Variants in DNAH12 observed in about 807,000 individuals in gnomAD.
DNAH12 encodes dynein axonemal heavy chain 12.
DNAH12 carries 285 observed loss-of-function variants against 371.5 expected under a neutral mutation model. That is an observed-to-expected ratio of 0.77 (90% CI 0.70 to 0.85). The LOEUF is 0.85. DNAH12 is among the 40% of genes least tolerant of loss of function. The probability of loss-of-function intolerance (pLI) is 0.00; values close to 1 mark genes in which losing one functional copy is unlikely to be tolerated. For missense variants in DNAH12, 3,611 were observed against 3,689.4 expected (o/e 0.98, Z 0.55); for synonymous variants, 1,200 against 1,213.0 (o/e 0.99, Z 0.22).
chr3:57,470,631 C>A lies in DNAH12; in HGVS notation c.1917G>T (p.Val639=). 6.6e-7 allele frequency: 1 copy of A among 1,524,978 alleles called. No homozygotes were observed. The highest frequency in any genetic ancestry group is 1.3e-5 in the South Asian group (1 of 77,664). 94.5% of individuals were successfully genotyped at this position (1,524,978 alleles called of 1,614,324 possible). The change falls in exon 16 of 74, where the codon GTG becomes GTT. Residue 639 remains valine, a synonymous_variant. Coordinates refer to ENST00000495027, the MANE Select transcript of DNAH12 (RefSeq NM_001366028.2). ...FAELERMQQY[V]TDVRQLQKRI... ...GTTTTTGTAGTTGTCTTACATCTGT[C>A]ACATACTGAAAGTAAATAAGTTTTT...
intron 29 of DNAH12, among the ~76,000 whole-genome samples, chr3:57,441,326 C>T (rs1238629088): frequency 6.6e-6 from 1 of 151,922 alleles, no homozygotes; most frequent in Non-Finnish European, 1.5e-5. Context: ...GAACCACTAA[C>T]CTTGAAGATA....
intron 2 of DNAH12, chr3:57,530,547 G>C (rs9825059): frequency 2.9e-6 from 2 of 697,140 alleles, no homozygotes; most frequent in South Asian, 1.5e-5. Flanking sequence ...AATTTTTTTA[G>C]ATTGTTTTTT....
rs758339069 is a variant in DNAH12 at position 57,296,616 on chromosome 3, T to C, written c.11533-181A>G. Among the ~76,000 whole-genome samples, 7 of 152,244 alleles carry C rather than the reference T, an allele frequency of 4.6e-5. 1 individual carries two copies. The highest frequency in any genetic ancestry group is 4.4e-5 in the Non-Finnish European group (3 of 68,042). ...TATAAAAGTACTTCTTTTTGAAGTATTTTATCAGATTGTACTGTACCTCAT... is the reference window on the plus strand; with the variant it reads ...TATAAAAGTACTTCTTTTTGAAGTACTTTATCAGATTGTACTGTACCTCAT... On this transcript the variant is annotated intron_variant, in intron 71 of 73. Transcript: ENST00000495027.
At chr3:57,460,406 G>A (rs974953804) in intron 19 of DNAH12, among the ~76,000 whole-genome samples, 3 of 152,066 alleles carry the variant, frequency 2.0e-5, no homozygotes, top group Non-Finnish European at 4.4e-5. Flanking sequence ...GAAATGACAA[G>A]ATATTTCATT....
In DNAH12 at chr3:57,340,303, G is replaced by GA. The variant is rs1207029055; in HGVS notation, c.9675-5364dup. Among the ~76,000 whole-genome samples, 244 of 144,702 alleles carry GA rather than the reference G, an allele frequency of 1.7e-3. 1 individual carries two copies. The highest frequency in any genetic ancestry group is 4.5e-3 in the African/African-American group (177 of 39,490). The allele number at this position is 144,702 out of a possible 152,430, so 94.9% of individuals were successfully genotyped here. On this transcript the variant is annotated intron_variant, in intron 60 of 73. Transcript: ENST00000495027. ...AAACCAAACTCAAAATTAGAAAAAG[G>GA]AAAAAAAAATAAAAAGCAGAAATAA...
intron 50 of DNAH12, among the ~76,000 whole-genome samples, chr3:57,380,993 CTAAAT>C (rs1366490411): frequency 3.3e-5 from 5 of 152,106 alleles, no homozygotes; most frequent in African/African-American, 1.2e-4. Flanking sequence ...TTTATTACTT[CTAAAT>C]TTATTTTCCT....
chr3:57,438,292 C>T lies in DNAH12; in HGVS notation c.4546-1232G>A, dbSNP rs182422444. Among the ~76,000 whole-genome samples the T allele has an allele frequency of 5.9e-5, 9 of 152,016 alleles. No individual in the cohort carries two copies. The East Asian group carries it at 1.6e-3, about 26-fold the overall frequency. On this transcript the variant is annotated intron_variant, in intron 29 of 73. Transcript: ENST00000495027. ...CACCACTGCACTCCAGCCTGGGCAA[C>T]AAGAGCGAAACTTCGTCTCAACAAC...
Position 57,413,825 on chromosome 3 carries a change from TATC to T in DNAH12, c.5938_5940del (p.Asp1980del). 3 of 1,551,302 alleles carry T rather than the reference TATC, an allele frequency of 1.9e-6. No individual in the cohort carries two copies. Among genetic ancestry groups the T allele is most frequent in the Non-Finnish European group, 2.6e-6 (3 of 1,146,776 alleles). On this transcript the variant is annotated inframe_deletion, in exon 39 of 74. Transcript: ENST00000495027. ...TACTTCTCCAATGCAGGCATATTCA[TATC>T]ATCTATAAAAATTATACACTTCTTT...
At chr3:57,388,940 A>G (rs1467399126) in intron 45 of DNAH12, among the ~76,000 whole-genome samples, 2 of 151,984 alleles carry the variant, frequency 1.3e-5, no homozygotes, top group African/African-American at 4.8e-5. Context: ...GCATTAGGAT[A>G]TATACCTAAT....
intron 45 of DNAH12, among the ~76,000 whole-genome samples, chr3:57,388,614 T>G (rs2063544309): frequency 6.6e-6 from 1 of 152,116 alleles, no homozygotes; most frequent in South Asian, 2.1e-4. Flanking sequence ...TTTTATAAAA[T>G]GCCAGGTTAA....
intron 70 of DNAH12, among the ~76,000 whole-genome samples, chr3:57,300,963 G>C (rs939117431): frequency 6.6e-6 from 1 of 151,940 alleles, no homozygotes; most frequent in African/African-American, 2.4e-5. Context: ...CTTTTCCCTG[G>C]TTTTCTGAGA....
chr3:57,553,308 C>G, the DNAH12 span, among the ~76,000 whole-genome samples: 1,055 of 152,294 alleles, frequency 6.9e-3, 7 homozygotes, highest in Non-Finnish European at 0.011. Context: ...TGTCCTTCTC[C>G]AACCCCAGTC....
At chr3:57,359,186 G>C (rs1196191439) in intron 58 of DNAH12, among the ~76,000 whole-genome samples, 2 of 152,186 alleles carry the variant, frequency 1.3e-5, no homozygotes, top group Non-Finnish European at 2.9e-5. Flanking sequence ...TGAAATGCTA[G>C]GCTTAAGAAA....
At chr3:57,490,408 A>T (rs2067076136) in intron 11 of DNAH12, among the ~76,000 whole-genome samples, 1 of 152,208 alleles carries the variant, frequency 6.6e-6, no homozygotes, top group South Asian at 2.1e-4. Context: ...ATGTATGTCA[A>T]CTTCTTAGTG....
At chr3:57,500,158 G>GC (rs58414998) in intron 11 of DNAH12, among the ~76,000 whole-genome samples, 88,714 of 149,864 alleles carry the variant, frequency 0.59, 27,307 homozygotes, top group South Asian at 0.74. Context: ...CTACTCCTCA[G>GC]CCCCCCCTAG....
At chr3:57,312,645 C>T (rs1189064651) in intron 66 of DNAH12, among the ~76,000 whole-genome samples, 1 of 152,190 alleles carries the variant, frequency 6.6e-6, no homozygotes, top group African/African-American at 2.4e-5. Flanking sequence ...AAGCTGTAGG[C>T]TGGGGCTTGG....
rs1169284102 is a variant in DNAH12 at position 57,507,744 on chromosome 3, T to C, written c.796A>G (p.Lys266Glu). Residue 266 changes from lysine (K) to glutamate (E), a missense_variant, in exon 8 of 74, where the codon AAG becomes GAG. By Grantham distance (56) the Lys-to-Glu change is moderately conservative. This residue lies in a region of DNAH12 where 1,314 missense variants were observed against 1,398.7 expected (regional missense o/e 0.94). Transcript: ENST00000495027. ...EEKIMNTWYP[K>E]VINLFTKKEA... ...TTCTTGGTAAAGAGATTTATAACCT[T>C]TGGATACCATGTATTCATTATCTTC... The C allele has an allele frequency of 1.2e-6, 2 of 1,611,780 alleles. No individual in the cohort carries two copies. The highest frequency in any genetic ancestry group is 1.1e-5 in the South Asian group (1 of 90,352).
At chr3:57,378,993 TCTC>T (rs1371939363) in intron 52 of DNAH12, among the ~76,000 whole-genome samples, 162 bp downstream of exon 52, 7 of 152,132 alleles carry the variant, frequency 4.6e-5, no homozygotes, top group African/African-American at 1.4e-4. Context: ...GCACAAATAT[TCTC>T]CTCGTCTGCT....
At chr3:57,471,408 T>C (rs748493127) in intron 15 of DNAH12, 64 bp downstream of exon 15, 138 of 1,345,784 alleles carry the variant, frequency 1.0e-4, no homozygotes, top group Middle Eastern at 5.7e-4. Flanking sequence ...TTTAAATTTA[T>C]GTTAACATGT....
Sources: gnomAD v4.1 joint callset for allele counts (sites outside exome capture counted in the v4.1 genomes callset) on GRCh38, gnomAD v4.1.1 for gene constraint, gnomAD v4.1.1 regional missense constraint, MANE v1.5 for transcripts, NCBI Gene and HGNC (gene_info 2026-07-23, HGNC 2026-07-21) for gene names.